The following ULK2 variants were observed in gnomAD, a reference collection of about 807,000 sequenced individuals.
ULK2 encodes unc-51 like autophagy activating kinase 2, also known as serine/threonine-protein kinase ULK2.
In ULK2, 76 loss-of-function variants were observed where a neutral mutation model predicts 127.5. That is an observed-to-expected ratio of 0.60 (90% CI 0.50 to 0.72). The LOEUF is 0.72. Ranked by LOEUF, ULK2 falls within the 30% of genes least tolerant of loss-of-function variation. ULK2 has a pLI of 0.00. For synonymous variants in ULK2, 452 were observed against 461.9 expected (o/e 0.98, Z 0.28); for missense variants, 1,144 against 1,295.9 (o/e 0.88, Z 1.80).
At chr17:19,796,489 T>C (rs2152385363) in intron 18 of ULK2, among the ~76,000 whole-genome samples, 1 of 152,250 alleles carries the variant, frequency 6.6e-6, no homozygotes, top group South Asian at 2.1e-4. Context: ...AACCAGATTC[T>C]CTTATCTGGT....
rs925790437 is a variant in ULK2, at chr17:19,826,969, A to G, written c.788-783T>C. On this transcript the variant is annotated intron_variant, in intron 10 of 26. Transcript: ENST00000395544. The stretch of plus-strand genomic sequence containing the variant: ...GAGACTCCGTCTCAAAAAAAAAAAA[A>G]AAGAAACTACAAAAACAATACATTC... Among the ~76,000 whole-genome samples, 4 of 151,958 alleles carry G rather than the reference A, an allele frequency of 2.6e-5. No homozygotes were observed. The South Asian group carries it at 6.2e-4, about 24-fold the overall frequency.
intron 20 of ULK2, 106 bp downstream of exon 20, chr17:19,795,516 G>A: frequency 2.1e-6 from 2 of 939,122 alleles, no homozygotes; most frequent in Non-Finnish European, 3.4e-6. Context: ...ATACATTTGT[G>A]TTGTTTTATG....
chr17:19,794,508 A>T (rs968416124), intron 20 of ULK2, among the ~76,000 whole-genome samples: 1 of 152,196 alleles, frequency 6.6e-6, no homozygotes, highest in Non-Finnish European at 1.5e-5. Flanking sequence ...AAAGACAGAG[A>T]AAATTTTGAA....
At chr17:19,811,658 T>A (rs2087643424) in intron 13 of ULK2, among the ~76,000 whole-genome samples, 1 of 152,086 alleles carries the variant, frequency 6.6e-6, no homozygotes, top group Admixed American at 6.6e-5. Context: ...GCCAGGCTGG[T>A]CTCGAACTCC....
chr17:19,799,200 AAGT>A, intron 17 of ULK2, among the ~76,000 whole-genome samples: 1 of 152,204 alleles, frequency 6.6e-6, no homozygotes, highest in Middle Eastern at 3.4e-3. Flanking sequence ...AATAGTATTA[AAGT>A]AATAAAATTT....
intron 14 of ULK2, among the ~76,000 whole-genome samples, chr17:19,809,114 A>G (rs1277888661): frequency 6.6e-6 from 1 of 152,236 alleles, no homozygotes; most frequent in African/African-American, 2.4e-5. Flanking sequence ...AGCCTGTCAC[A>G]TACCACAACA....
At position 19,776,332 on chromosome 17, in the gene ULK2, C is replaced by T. The variant is rs775473428; in HGVS notation, c.*17G>A. The T allele has an allele frequency of 8.2e-6, 13 of 1,595,012 alleles. No homozygotes were observed. Among genetic ancestry groups the T allele is most frequent in the East Asian group, 6.9e-5 (3 of 43,726 alleles). On this transcript the variant is annotated 3_prime_UTR_variant, in exon 27 of 27. Coordinates refer to ENST00000395544, the MANE Select transcript of ULK2 (RefSeq NM_014683.4). ...ACCTCACGTTCCCACCACCGGTCCA[C>T]GGGATGAGCCTGCTGCTCACACGGT... is the stretch of plus-strand genomic sequence containing the variant.
intron 14 of ULK2, among the ~76,000 whole-genome samples, chr17:19,809,485 C>T (rs1427084228): frequency 2.0e-5 from 3 of 152,082 alleles, no homozygotes; most frequent in Non-Finnish European, 4.4e-5. Context: ...GTAATCCCAG[C>T]ACTTTGGGAG....
At chr17:19,822,856 T>C (rs967361392) in intron 12 of ULK2, among the ~76,000 whole-genome samples, 15 of 151,974 alleles carry the variant, frequency 9.9e-5, no homozygotes, top group Non-Finnish European at 2.1e-4. Context: ...CCAGCTAATT[T>C]TTTGTATTTT....
intron 11 of ULK2, 151 bp downstream of exon 11, chr17:19,825,988 A>AT (rs1340431507): frequency 1.5e-5 from 2 of 137,652 alleles, no homozygotes; most frequent in African/African-American, 7.7e-5. Flanking sequence ...CTCCATCTCA[A>AT]AAAAAAAAAA....
At chr17:19,801,656 G>A (rs1185896920) in intron 16 of ULK2, 121 bp downstream of exon 16, 16 of 1,289,898 alleles carry the variant, frequency 1.2e-5, no homozygotes, top group Non-Finnish European at 1.7e-5. Context: ...GACGGGGTAT[G>A]GCCTCCAATC....
At chr17:19,822,704 T>G (rs1301353836) in intron 12 of ULK2, among the ~76,000 whole-genome samples, 5 of 151,982 alleles carry the variant, frequency 3.3e-5, no homozygotes, top group Admixed American at 3.3e-4. Context: ...TTTTTTTTAT[T>G]GAGATGGAGT....
At chr17:19,788,792 T>C (rs1305141814) in intron 20 of ULK2, among the ~76,000 whole-genome samples, 2 of 152,130 alleles carry the variant, frequency 1.3e-5, no homozygotes, top group Non-Finnish European at 2.9e-5. Context: ...ACATCAGTGG[T>C]GGCCTGGCAG....
At chr17:19,811,935 A>G (rs2087650971) in intron 13 of ULK2, among the ~76,000 whole-genome samples, 1 of 152,240 alleles carries the variant, frequency 6.6e-6, no homozygotes, top group East Asian at 1.9e-4. Flanking sequence ...TTGAAACTAT[A>G]GAGGCAACGG....
At chr17:19,816,396 TTA>T (rs1471773677) in intron 13 of ULK2, 9 of 158,238 alleles carry the variant, frequency 5.7e-5, no homozygotes, top group African/African-American at 2.2e-4. Context: ...TTCAGATTGT[TTA>T]TAACACTCTT....
chr17:19,790,811 G>A (rs746619313), intron 20 of ULK2, among the ~76,000 whole-genome samples: 10 of 152,050 alleles, frequency 6.6e-5, no homozygotes, highest in Non-Finnish European at 1.2e-4. Flanking sequence ...ATAAAGGGAT[G>A]GAAAAAGATA....
intron 14 of ULK2, among the ~76,000 whole-genome samples, chr17:19,808,566 T>C (rs532834762): frequency 6.6e-6 from 1 of 152,302 alleles, no homozygotes; most frequent in East Asian, 1.9e-4. Flanking sequence ...AGAGAACTCT[T>C]ACAACCCAAC....
At chr17:19,827,835 G>A (rs764158164) in intron 10 of ULK2, among the ~76,000 whole-genome samples, 3 of 152,014 alleles carry the variant, frequency 2.0e-5, no homozygotes, top group East Asian at 3.9e-4. Flanking sequence ...GCTTGAACCC[G>A]GAAGGTGGAG....
intron 3 of ULK2, among the ~76,000 whole-genome samples, chr17:19,862,446 A>G (rs2152403345): frequency 6.6e-6 from 1 of 152,056 alleles, no homozygotes; most frequent in South Asian, 2.1e-4. Flanking sequence ...GTGTTATGAT[A>G]TGACCACATG....
Sources: allele counts gnomAD v4.1 joint callset (sites outside exome capture counted in the v4.1 genomes callset), GRCh38; gene constraint gnomAD v4.1.1; transcripts MANE v1.5; gene names NCBI Gene and HGNC (gene_info 2026-07-23, HGNC 2026-07-21).